PSME4: variants seen among roughly 807,000 people sequenced by gnomAD.
PSME4 encodes proteasome activator complex subunit 4.
Under a neutral mutation model 253.9 loss-of-function variants are expected in PSME4, and 89 were observed. That is an observed-to-expected ratio of 0.35 (90% CI 0.30 to 0.42). PSME4 has a LOEUF of 0.42. PSME4 is among the 10% of genes least tolerant of loss of function. The probability of loss-of-function intolerance (pLI) is 1.00; values close to 1 mark genes in which losing one functional copy is unlikely to be tolerated. For synonymous variants in PSME4, 851 were observed against 759.2 expected, an observed-to-expected ratio of 1.12 and a Z score of -1.99; for missense variants, 2,014 against 2,195.2, an observed-to-expected ratio of 0.92 and a Z score of 1.65.
At chr2:53,951,074 T>A (rs967831923) in intron 1 of PSME4, among the ~76,000 whole-genome samples, 1 of 151,960 alleles carries the variant, frequency 6.6e-6, no homozygotes, top group African/African-American at 2.4e-5. Flanking sequence ...AAATAAAACT[T>A]ACATTTAACT....
At chr2:53,902,554 T>C (rs1213783897) in intron 27 of PSME4, among the ~76,000 whole-genome samples, 1 of 152,236 alleles carries the variant, frequency 6.6e-6, no homozygotes, top group East Asian at 1.9e-4. Flanking sequence ...AATAGATATT[T>C]TTCTGTTTTG....
At chr2:53,884,774 T>C (rs1442376379) in intron 41 of PSME4, among the ~76,000 whole-genome samples, 1 of 152,190 alleles carries the variant, frequency 6.6e-6, no homozygotes, top group Non-Finnish European at 1.5e-5. Context: ...GAAGGACCTA[T>C]ATACTAGCAG....
chr2:53,916,189 G>C (rs549381600), intron 20 of PSME4, among the ~76,000 whole-genome samples: 2 of 148,106 alleles, frequency 1.4e-5, no homozygotes, highest in South Asian at 4.2e-4. Flanking sequence ...GGAGGTCGCA[G>C]TGAGCTGAGA....
At chr2:53,922,248 T>C (rs805312) in intron 17 of PSME4, among the ~76,000 whole-genome samples, 67 of 152,056 alleles carry the variant, frequency 4.4e-4, no homozygotes, top group Non-Finnish European at 6.5e-4. Flanking sequence ...CCAAAAAAAT[T>C]CCCAAATCTG....
chr2:53,940,978 T>TATACATATTTAA (rs1669417164), intron 3 of PSME4, among the ~76,000 whole-genome samples: 3 of 71,004 alleles, frequency 4.2e-5, no homozygotes, highest in African/African-American at 4.1e-5. Flanking sequence ...TATATATATA[T>TATACATATTTAA]ATATATATAT....
At chr2:53,906,960 A>G in intron 24 of PSME4, 92 bp from the exon 25 acceptor site, 3 of 1,158,570 alleles carry the variant, frequency 2.6e-6, no homozygotes, top group Non-Finnish European at 3.8e-6. Context: ...GTGGTCAAAA[A>G]GGTCCCTGGT....
At chr2:53,963,276 G>A (rs1026104438) in intron 1 of PSME4, among the ~76,000 whole-genome samples, 39 of 151,776 alleles carry the variant, frequency 2.6e-4, no homozygotes, top group Non-Finnish European at 5.3e-4. Context: ...AAACAGGGGG[G>A]TATGATTGCA....
At chr2:53,961,959 A>T (rs925301463) in intron 1 of PSME4, among the ~76,000 whole-genome samples, 16 of 152,174 alleles carry the variant, frequency 1.1e-4, no homozygotes, top group African/African-American at 3.9e-4. Context: ...AGAACTTTTT[A>T]AAAGAGGCAA....
rs185190843 is a variant in PSME4, at chr2:53,895,943, A to T, written c.3689-207T>A. On this transcript the variant is annotated intron_variant, in intron 32 of 46. Transcript: ENST00000404125. ...TCTACTAAATTGTGTTGAATCAGTT[A>T]TTTTGGGGGAGAGATCAAGTATGAA... is the stretch of plus-strand genomic sequence containing the variant. Among the ~76,000 whole-genome samples, 15 of 152,284 alleles carry T rather than the reference A, an allele frequency of 9.9e-5. No individual in the cohort carries two copies. The East Asian group carries it at 2.7e-3, about 27-fold the overall frequency.
chr2:53,906,762 A>T lies in PSME4; in HGVS notation c.2847+44T>A, dbSNP rs762720864. The T allele has an allele frequency of 5.6e-6, 9 of 1,600,302 alleles. No homozygotes were observed. In the Admixed American group the frequency reaches 1.6e-4, roughly 29 times the overall value. Reference sequence around the variant, plus strand: ...AACAAAACTAAATACTCATCTGGAAAATTGACATTTTAAAAAGTCACTATG... The same window carrying T: ...AACAAAACTAAATACTCATCTGGAATATTGACATTTTAAAAAGTCACTATG... On this transcript the variant is annotated intron_variant, in intron 25 of 46. Coordinates refer to ENST00000404125, the MANE Select transcript of PSME4 (RefSeq NM_014614.3).
chr2:53,952,402 C>T (rs1670041554), intron 1 of PSME4, among the ~76,000 whole-genome samples: 1 of 152,042 alleles, frequency 6.6e-6, no homozygotes, highest in African/African-American at 2.4e-5. Flanking sequence ...ATTAGCTGGG[C>T]ATGGTGGTGC....
chr2:53,913,917 G>C (rs1667944754), intron 20 of PSME4, among the ~76,000 whole-genome samples: 1 of 152,206 alleles, frequency 6.6e-6, no homozygotes, highest in African/African-American at 2.4e-5. Flanking sequence ...TCCCCCAGCA[G>C]AGCTGGGTAG....
rs758565999 is a variant in PSME4 at position 53,890,097 on chromosome 2, A to T, written c.4296+7T>A. 1.4e-5 allele frequency: 22 copies of T among 1,594,102 alleles called. No individual in the cohort carries two copies. In the South Asian group the frequency reaches 2.4e-4, roughly 18 times the overall value. Reference sequence around the variant, plus strand: ...AGTTAGACAAAGAAAGATGTAGGGTAACTTACACAGGATGTTGCTATACAA... The same window carrying T: ...AGTTAGACAAAGAAAGATGTAGGGTTACTTACACAGGATGTTGCTATACAA... On this transcript the variant is annotated splice_region_variant and intron_variant, in intron 37 of 46. Coordinates refer to ENST00000404125, the MANE Select transcript of PSME4 (RefSeq NM_014614.3).
intron 20 of PSME4, among the ~76,000 whole-genome samples, chr2:53,911,516 A>G (rs1447911036): frequency 6.6e-6 from 1 of 152,156 alleles, no homozygotes; most frequent in African/African-American, 2.4e-5. Flanking sequence ...TCTTTACTGA[A>G]ATTAGATTTC....
In PSME4 at chr2:53,864,402, A is replaced by G. The variant is rs1678472607; in HGVS notation, c.*1176T>C. 1 of 152,416 alleles carries G rather than the reference A, an allele frequency of 6.6e-6. No homozygotes were observed. Among genetic ancestry groups the G allele is most frequent in the Non-Finnish European group, 1.5e-5 (1 of 67,992 alleles). The allele number at this position is 152,416 out of a possible 1,614,324, so 9.4% of individuals were successfully genotyped here. On this transcript the variant is annotated 3_prime_UTR_variant, in exon 47 of 47. Transcript: ENST00000404125. ...GAGATGCACACAAAAATGTTACATA[A>G]AAGTTCAGACATTCTAATGATAAGT... is the stretch of plus-strand genomic sequence containing the variant.
intron 34 of PSME4, among the ~76,000 whole-genome samples, chr2:53,894,057 T>C (rs1459495106): frequency 6.6e-6 from 1 of 152,102 alleles, no homozygotes; most frequent in African/African-American, 2.4e-5. Flanking sequence ...TCAACAAATG[T>C]TCTGCTTGGG....
chr2:53,925,182 A>G lies in PSME4; in HGVS notation c.1809+357T>C, dbSNP rs1188026161. ...AATAAGAAGCAAAAAAATGTAAAAAAGTGGCATTAAATAGATCGCAAAGGG... is the reference window on the plus strand; with the variant it reads ...AATAAGAAGCAAAAAAATGTAAAAAGGTGGCATTAAATAGATCGCAAAGGG... On this transcript the variant is annotated intron_variant, in intron 14 of 46. Coordinates refer to ENST00000404125, the MANE Select transcript of PSME4 (RefSeq NM_014614.3). Among the ~76,000 whole-genome samples the G allele has an allele frequency of 4.6e-5, 7 of 152,340 alleles. No homozygotes were observed. The East Asian group carries it at 7.7e-4, about 17-fold the overall frequency.
At chr2:53,893,085 G>T in intron 35 of PSME4, 125 bp from the exon 36 acceptor site, 1 of 708,772 alleles carries the variant, frequency 1.4e-6, no homozygotes. Flanking sequence ...CTTTAGAACT[G>T]CTTTAACAAT....
rs772422438 is a variant in PSME4, at chr2:53,908,361, A to G, written c.2743T>C (p.Trp915Arg). The G allele has an allele frequency of 1.2e-6, 2 of 1,613,090 alleles. No homozygotes were observed. Among genetic ancestry groups the G allele is most frequent in the Non-Finnish European group, 1.7e-6 (2 of 1,179,520 alleles). ...TTCTTTACTAAGTTGAAGCTTTTCCATCGGGAGTCAAATTCATGCTTGTGA... is the reference window on the plus strand; with the variant it reads ...TTCTTTACTAAGTTGAAGCTTTTCCGTCGGGAGTCAAATTCATGCTTGTGA... ...GSHKHEFDSR[W>R]KSFNLVKKSM... The change falls in exon 24 of 47, where the codon TGG becomes CGG. Residue 915 changes from tryptophan to arginine, a missense_variant. Coordinates refer to ENST00000404125, the MANE Select transcript of PSME4 (RefSeq NM_014614.3).
Sources: allele counts gnomAD v4.1 joint callset (sites outside exome capture counted in the v4.1 genomes callset), GRCh38; gene constraint gnomAD v4.1.1; transcripts MANE v1.5; gene names NCBI Gene and HGNC (gene_info 2026-07-23, HGNC 2026-07-21).